Variants in MTG1 observed in about 807,000 individuals in gnomAD.
The protein encoded by MTG1 is mitochondrial ribosome-associated GTPase 1.
A neutral mutation model predicts 39.5 loss-of-function variants in MTG1; 30 were observed. That is an observed-to-expected ratio of 0.76 (90% CI 0.57 to 1.03). MTG1 has a LOEUF of 1.03. Among genes scored for constraint, MTG1 ranks in the 50% least tolerant of loss-of-function variants. The probability of loss-of-function intolerance (pLI) is 0.00; values close to 1 mark genes in which losing one functional copy is unlikely to be tolerated. For synonymous variants in MTG1, 217 were observed against 179.0 expected (o/e 1.21, Z -1.69); for missense variants, 513 against 447.4 (o/e 1.15, Z -1.32).
chr10:133,395,606 C>A, intron 1 of MTG1, 107 bp from the exon 2 acceptor site: 1 of 1,069,540 alleles, frequency 9.3e-7, no homozygotes. Context: ...CAGATATAGT[C>A]TTTTTAGGTT....
chr10:133,402,281 C>T lies in MTG1; in HGVS notation c.670+36C>T. The T allele has an allele frequency of 6.2e-7, 1 of 1,611,370 alleles. No individual in the cohort carries two copies. The highest frequency in any genetic ancestry group is 1.7e-5 in the Admixed American group (1 of 60,000). The stretch of plus-strand genomic sequence containing the variant: ...GCTGGGGCTGGGGCTGGGGCTGGGA[C>T]CGGGGCCCCTGCCACCCCACCTTTA... On this transcript the variant is annotated intron_variant, in intron 8 of 10. Transcript: ENST00000317502. The surrounding 1 kb of genome is among the most constrained non-coding windows in gnomAD (Gnocchi z 4.7).
Position 133,402,300 on chromosome 10 carries a change from A to T in MTG1, c.670+55A>T. 6.2e-7 allele frequency: 1 copy of T among 1,602,032 alleles called. No individual in the cohort carries two copies. Among genetic ancestry groups the T allele is most frequent in the Middle Eastern group, 1.8e-4 (1 of 5,680 alleles). ...CTGGGACCGGGGCCCCTGCCACCCC[A>T]CCTTTAGGGCTGGCTTTGGCACAGG... On this transcript the variant is annotated intron_variant, in intron 8 of 10. Coordinates refer to ENST00000317502, the MANE Select transcript of MTG1 (RefSeq NM_138384.4). The surrounding 1 kb of genome is among the most constrained non-coding windows in gnomAD (Gnocchi z 4.7).
chr10:133,399,672 G>A, intron 6 of MTG1, 53 bp downstream of exon 6: 1 of 1,550,664 alleles, frequency 6.4e-7, no homozygotes, highest in South Asian at 1.1e-5. Flanking sequence ...GCGTGTGGCT[G>A]ATGTGCTGAT....
At chr10:133,414,450 G>T (rs1289218527) in intron 9 of MTG1, among the ~76,000 whole-genome samples, 1 of 152,192 alleles carries the variant, frequency 6.6e-6, no homozygotes, top group African/African-American at 2.4e-5. Context: ...CAGACGGGGT[G>T]GTGGCCGGGC....
chr10:133,402,141 CCA>C lies in MTG1; in HGVS notation c.574-3_574-2del. 1 of 1,614,032 alleles carries C rather than the reference CCA, an allele frequency of 6.2e-7. No individual in the cohort carries two copies. Among genetic ancestry groups the C allele is most frequent in the South Asian group, 1.1e-5 (1 of 91,086 alleles). ...CGCGGCCTGATCATGCCCTCTGTGC[CCA>C]CACAGGTCTCTGAGCGGCCCCTGAT... is the stretch of plus-strand genomic sequence containing the variant. On this transcript the variant is annotated splice_polypyrimidine_tract_variant and splice_region_variant and intron_variant, in intron 7 of 10. Transcript: ENST00000317502. This position sits in a 1 kb window ranked among gnomAD's most constrained non-coding sequence, Gnocchi z 4.7.
Position 133,396,272 on chromosome 10 carries a change from A to T in MTG1, c.282+5A>T, listed in dbSNP as rs769547631. 1.6e-5 allele frequency: 26 copies of T among 1,611,882 alleles called. 1 individual carries two copies. In the South Asian group the frequency reaches 2.9e-4, roughly 18 times the overall value. ...GCGGATCTTACAGAGCAGCAGGTAA[A>T]GGCCTTTCTCTCAGACGCCTTCAGC... is the stretch of plus-strand genomic sequence containing the variant. On this transcript the variant is annotated splice_donor_5th_base_variant and intron_variant, in intron 3 of 10. Transcript: ENST00000317502.
intron 10 of MTG1, 81 bp downstream of exon 10, chr10:133,419,673 G>C: frequency 8.4e-7 from 1 of 1,188,058 alleles, no homozygotes; most frequent in Non-Finnish European, 1.2e-6. Context: ...AGGAGGCAGG[G>C]AGGAGAGGAA....
At chr10:133,398,684 G>T (rs1245038977) in intron 4 of MTG1, among the ~76,000 whole-genome samples, 169 bp downstream of exon 4, 1 of 152,216 alleles carries the variant, frequency 6.6e-6, no homozygotes, top group African/African-American at 2.4e-5. Context: ...GGGTCTCCCT[G>T]TACTGAGGGC....
At chr10:133,416,863 C>A (rs1589919304) in intron 9 of MTG1, among the ~76,000 whole-genome samples, 1 of 151,722 alleles carries the variant, frequency 6.6e-6, no homozygotes. Context: ...GCAATAAACA[C>A]ATGTGTGCAT....
intron 9 of MTG1, among the ~76,000 whole-genome samples, chr10:133,416,035 CG>C (rs1442599620): frequency 3.0e-5 from 4 of 133,058 alleles, no homozygotes; most frequent in African/African-American, 7.0e-5. Context: ...GTCGGGCAGG[CG>C]GGCGTCGGGC....
chr10:133,417,726 C>T (rs1254222624), intron 9 of MTG1, among the ~76,000 whole-genome samples: 6 of 152,200 alleles, frequency 3.9e-5, no homozygotes, highest in Non-Finnish European at 8.8e-5. Context: ...CATTCTTATA[C>T]ACCAATAACA....
rs371090874 is a variant in MTG1 at position 133,402,755 on chromosome 10, A to G, written c.734A>G (p.Asn245Ser). ...GCTGACTACCTGCTGTACACCCTCA[A>G]CAAACACCAGCGCTTTGGGTGAGTG... The part of the protein sequence containing the change: ...TMADYLLYTL[N>S]KHQRFGYVQH... The change falls in exon 9 of 11, where the codon AAC becomes AGC. Residue 245 changes from asparagine to serine, a missense_variant. By Grantham distance (46) the Asn-to-Ser change is conservative. Transcript: ENST00000317502. The surrounding 1 kb of genome is among the most constrained non-coding windows in gnomAD (Gnocchi z 4.7). 7 of 1,606,978 alleles carry G rather than the reference A, an allele frequency of 4.4e-6. No homozygotes were observed. Among genetic ancestry groups the G allele is most frequent in the African/African-American group, 1.3e-5 (1 of 74,744 alleles).
intron 1 of MTG1, among the ~76,000 whole-genome samples, 198 bp from the exon 2 acceptor site, chr10:133,395,513 CCA>C (rs756662725): frequency 3.3e-5 from 5 of 152,218 alleles, no homozygotes; most frequent in Non-Finnish European, 7.3e-5. Flanking sequence ...AGGGTGCCTC[CCA>C]GTCTCCCACT....
At position 133,420,707 on chromosome 10, in the gene MTG1, G is replaced by A. The variant is rs1435254576; in HGVS notation, c.*542G>A. On this transcript the variant is annotated 3_prime_UTR_variant, in exon 11 of 11. Coordinates refer to ENST00000317502, the MANE Select transcript of MTG1 (RefSeq NM_138384.4). ...TATTTCACACTTACAGGCACACACA[G>A]ACACAGACCAGAGACTCCCAGCAGC... 1 of 152,824 alleles carries A rather than the reference G, an allele frequency of 6.5e-6. No homozygotes were observed. The highest frequency in any genetic ancestry group is 1.9e-4 in the East Asian group (1 of 5,208). The allele number at this position is 152,824 out of a possible 1,614,324, so 9.5% of individuals were successfully genotyped here. A position where few individuals can be genotyped will look rare whatever the true frequency, so the allele number is the denominator to read the frequency against.
At chr10:133,416,436 G>A (rs1204492359) in intron 9 of MTG1, among the ~76,000 whole-genome samples, 2 of 150,380 alleles carry the variant, frequency 1.3e-5, no homozygotes, top group African/African-American at 4.9e-5. Flanking sequence ...AAGTTTTAGG[G>A]TACATGTGCA....
Position 133,402,089 on chromosome 10 carries a change from T to C in MTG1, c.574-60T>C. ...CCAGGGGCTGCCCAGGCTTCCTGAG[T>C]GGCCCACCTGGGTGGGAGGCTGCCA... is the stretch of plus-strand genomic sequence containing the variant. On this transcript the variant is annotated intron_variant, in intron 7 of 10. Coordinates refer to ENST00000317502, the MANE Select transcript of MTG1 (RefSeq NM_138384.4). This position sits in a 1 kb window ranked among gnomAD's most constrained non-coding sequence, Gnocchi z 4.7. 6.3e-7 allele frequency: 1 copy of C among 1,597,960 alleles called. No individual in the cohort carries two copies. The highest frequency in any genetic ancestry group is 2.2e-5 in the East Asian group (1 of 44,752).
chr10:133,399,133 G>A (rs375641104), intron 4 of MTG1, 37 bp from the exon 5 acceptor site: 13 of 1,613,764 alleles, frequency 8.1e-6, no homozygotes, highest in Non-Finnish European at 1.1e-5. Flanking sequence ...ACAGACGTCC[G>A]ACCTGGGGTG....
intron 9 of MTG1, among the ~76,000 whole-genome samples, chr10:133,414,842 C>G (rs574727201): frequency 2.0e-5 from 3 of 152,072 alleles, no homozygotes; most frequent in African/African-American, 7.2e-5. Flanking sequence ...TGTAGCGAGC[C>G]GAGATCACAC....
chr10:133,398,053 GGT>G (rs1343840911), intron 3 of MTG1, among the ~76,000 whole-genome samples: 3 of 152,278 alleles, frequency 2.0e-5, no homozygotes, highest in Admixed American at 6.5e-5. Context: ...TGTGGCTTCA[GGT>G]GTGTGTCTTA....
Sources: allele counts gnomAD v4.1 joint callset (sites outside exome capture counted in the v4.1 genomes callset), GRCh38; gene constraint gnomAD v4.1.1; non-coding constraint Gnocchi (gnomAD v3.1); transcripts MANE v1.5; gene names NCBI Gene and HGNC (gene_info 2026-07-23, HGNC 2026-07-21).